IL12RB2: variants seen among roughly 807,000 people sequenced by gnomAD.
The protein encoded by IL12RB2 is interleukin-12 receptor subunit beta-2.
IL12RB2 carries 82 observed loss-of-function variants against 89.4 expected under a neutral mutation model. The observed-to-expected ratio is 0.92, with a 90% CI of 0.77 to 1.10. IL12RB2 has a LOEUF of 1.10. Among genes scored for constraint, IL12RB2 ranks in the 50% least tolerant of loss-of-function variants. The pLI is 0.00. For synonymous variants in IL12RB2, 368 were observed against 370.1 expected (o/e 0.99, Z 0.07); for missense variants, 963 against 1,031.9 (o/e 0.93, Z 0.92).
At chr1:67,314,546 T>C (rs1252877752) in intron 2 of IL12RB2, among the ~76,000 whole-genome samples, 1 of 152,204 alleles carries the variant, frequency 6.6e-6, no homozygotes, top group East Asian at 1.9e-4. Flanking sequence ...AGAACTGAGA[T>C]TCATTCACCT....
At chr1:67,329,938 T>A (rs897966480) in intron 7 of IL12RB2, among the ~76,000 whole-genome samples, 2 of 152,218 alleles carry the variant, frequency 1.3e-5, no homozygotes, top group African/African-American at 4.8e-5. Flanking sequence ...TTAAAGCTTT[T>A]GTAAACCAAT....
At chr1:67,377,637 T>G (rs1664119473) in intron 13 of IL12RB2, among the ~76,000 whole-genome samples, 1 of 152,046 alleles carries the variant, frequency 6.6e-6, no homozygotes, top group Admixed American at 6.5e-5. Flanking sequence ...ATTCACTGAA[T>G]GCTAATCAAA....
intron 9 of IL12RB2, among the ~76,000 whole-genome samples, chr1:67,343,625 T>G (rs1659904237): frequency 6.6e-6 from 1 of 152,186 alleles, no homozygotes; most frequent in South Asian, 2.1e-4. Flanking sequence ...TATATTGTAT[T>G]CTTTCCTTAA....
At position 67,328,367 on chromosome 1, in the gene IL12RB2, T is replaced by G; in HGVS notation, c.647T>G (p.Phe216Cys). 1 of 1,614,182 alleles carries G rather than the reference T, an allele frequency of 6.2e-7. No individual in the cohort carries two copies. The highest frequency in any genetic ancestry group is 8.5e-7 in the Non-Finnish European group (1 of 1,180,034). ...LGSSSSLPST[F>C]TFLDIVRPLP... ...AGCTCCTCTTCACTTCCATCCACAT[T>G]CACATTCTTGGACATAGGTACATTT... is the stretch of plus-strand genomic sequence containing the variant. Residue 216 changes from phenylalanine to cysteine, a missense_variant, in exon 6 of 17, where the codon TTC becomes TGC. Coordinates refer to ENST00000674203, the MANE Select transcript of IL12RB2 (RefSeq NM_001374259.2).
intron 14 of IL12RB2, among the ~76,000 whole-genome samples, chr1:67,381,247 G>A (rs550419654): frequency 3.2e-4 from 48 of 152,310 alleles, no homozygotes; most frequent in African/African-American, 1.1e-3. Context: ...TGAGTCTGAT[G>A]AATAAGTGAC....
chr1:67,336,124 A>C (rs554485513), intron 8 of IL12RB2, among the ~76,000 whole-genome samples: 3 of 152,240 alleles, frequency 2.0e-5, no homozygotes, highest in African/African-American at 7.2e-5. Context: ...TGGATTATCT[A>C]GTTTGTGGAG....
chr1:67,363,557 T>C (rs1413241220), intron 10 of IL12RB2, among the ~76,000 whole-genome samples: 2 of 152,240 alleles, frequency 1.3e-5, no homozygotes, highest in East Asian at 3.8e-4. Flanking sequence ...TAGCAGTTTA[T>C]TCAAAACAAT....
At chr1:67,338,488 A>G in intron 8 of IL12RB2, 136 bp from the exon 9 acceptor site, 1 of 640,818 alleles carries the variant, frequency 1.6e-6, no homozygotes. Flanking sequence ...CAAGAAAAAG[A>G]AAAAATACTG....
chr1:67,343,166 C>T (rs988166632), intron 9 of IL12RB2, among the ~76,000 whole-genome samples: 5 of 120,600 alleles, frequency 4.1e-5, no homozygotes, highest in Non-Finnish European at 1.7e-5. Context: ...CAGCTCACTG[C>T]AGCCTTCACC....
At chr1:67,376,022 AT>A (rs1485097853) in intron 13 of IL12RB2, among the ~76,000 whole-genome samples, 2 of 151,514 alleles carry the variant, frequency 1.3e-5, no homozygotes, top group African/African-American at 4.8e-5. Context: ...AATTTTTTGT[AT>A]TTTTAGTAGA....
intron 14 of IL12RB2, 22 bp from the exon 15 acceptor site, chr1:67,386,557 A>G: frequency 6.5e-7 from 1 of 1,546,372 alleles, no homozygotes. Context: ...TCACTCAGTC[A>G]CAGGATTTCC....
At position 67,387,653 on chromosome 1, in the gene IL12RB2, G is replaced by A. The variant is rs368881442; in HGVS notation, c.1946+984G>A. 9.4e-5 allele frequency among the ~76,000 whole-genome samples: 13 copies of A among 138,190 alleles called. No individual in the cohort carries two copies. The South Asian group carries it at 1.4e-3, about 15-fold the overall frequency. 90.7% of individuals were successfully genotyped at this position (138,190 alleles called of 152,430 possible). On this transcript the variant is annotated intron_variant, in intron 15 of 16. Coordinates refer to ENST00000674203, the MANE Select transcript of IL12RB2 (RefSeq NM_001374259.2). ...TGGGAGGTGGAGATTGCAGTGAATC[G>A]AGATTGCACCACTGCACTCCACCCT...
chr1:67,342,222 T>TTG (rs1553314638), intron 9 of IL12RB2, among the ~76,000 whole-genome samples: 2 of 152,072 alleles, frequency 1.3e-5, no homozygotes, highest in African/African-American at 4.8e-5. Flanking sequence ...TTTTTTGTTT[T>TTG]TTTTTGTTTT....
At chr1:67,363,522 T>G (rs920859742) in intron 10 of IL12RB2, among the ~76,000 whole-genome samples, 38 of 152,300 alleles carry the variant, frequency 2.5e-4, no homozygotes, top group African/African-American at 8.9e-4. Flanking sequence ...GGCCAATTAT[T>G]CTTATTCTTA....
intron 13 of IL12RB2, among the ~76,000 whole-genome samples, chr1:67,375,240 C>T (rs147373024): frequency 1.1e-4 from 16 of 152,028 alleles, no homozygotes; most frequent in African/African-American, 3.6e-4. Flanking sequence ...ACCAAAATTA[C>T]AAAAAATTAG....
chr1:67,313,791 A>T (rs983756674), intron 1 of IL12RB2, 122 bp from the exon 2 acceptor site: 2 of 152,280 alleles, frequency 1.3e-5, no homozygotes, highest in East Asian at 1.9e-4. Context: ...GTGCCATTGC[A>T]CTCCAGCCTG....
rs1248740204 is a variant in IL12RB2 at position 67,311,115 on chromosome 1, C to T, written c.-124-2798C>T. Among the ~76,000 whole-genome samples the T allele has an allele frequency of 7.2e-5, 11 of 152,116 alleles. No homozygotes were observed. The East Asian group carries it at 1.9e-3, about 27-fold the overall frequency. On this transcript the variant is annotated intron_variant, in intron 1 of 16. Transcript: ENST00000674203. ...CACAGGCCATATAGCTGGAATTATC[C>T]GAGCCAAGACTTAGGTGTCCTGGGC...
chr1:67,344,907 G>A (rs1266595347), intron 9 of IL12RB2, among the ~76,000 whole-genome samples: 1 of 152,162 alleles, frequency 6.6e-6, no homozygotes, highest in East Asian at 1.9e-4. Flanking sequence ...TTCGGACTGG[G>A]CATGGTGGCT....
At chr1:67,326,656 CATGTTGATGGCAG>C in intron 4 of IL12RB2, 66 bp from the exon 5 acceptor site, 1 of 1,564,830 alleles carries the variant, frequency 6.4e-7, no homozygotes, top group Non-Finnish European at 8.7e-7. Context: ...GACGTATTGT[CATGTTGATGGCAG>C]ATAATAACAA....
Sources: allele counts gnomAD v4.1 joint callset (sites outside exome capture counted in the v4.1 genomes callset), GRCh38; gene constraint gnomAD v4.1.1; transcripts MANE v1.5; gene names NCBI Gene and HGNC (gene_info 2026-07-23, HGNC 2026-07-21).